The following KCND2 variants were observed in gnomAD, a reference collection of about 807,000 sequenced individuals.
KCND2 encodes A-type voltage-gated potassium channel KCND2.
In KCND2, 16 loss-of-function variants were observed where a neutral mutation model predicts 54.4. The ratio of observed to expected loss-of-function variants is 0.29; its 90% CI spans 0.20 to 0.45. KCND2 has a LOEUF of 0.45. KCND2 is among the 20% of genes least tolerant of loss of function. KCND2 has a pLI of 1.00. For synonymous variants in KCND2, 317 were observed against 310.7 expected (o/e 1.02, Z -0.21); for missense variants, 486 against 824.2 (o/e 0.59, Z 5.02).
chr7:120,403,806 A>G (rs1255347699), intron 1 of KCND2, among the ~76,000 whole-genome samples: 1 of 152,088 alleles, frequency 6.6e-6, no homozygotes, highest in African/African-American at 2.4e-5. Context: ...TTTTTTCCAG[A>G]TATAAACAAT....
At chr7:120,717,545 C>A (rs1006247147) in intron 1 of KCND2, among the ~76,000 whole-genome samples, 3 of 152,064 alleles carry the variant, frequency 2.0e-5, no homozygotes, top group African/African-American at 7.2e-5. Flanking sequence ...AAAGAAAAGA[C>A]TTCTTAGGCA....
At chr7:120,443,418 G>A (rs73435810) in intron 1 of KCND2, among the ~76,000 whole-genome samples, 3,427 of 150,404 alleles carry the variant, frequency 0.023, 140 homozygotes, top group African/African-American at 0.079. Context: ...TAAAAATATG[G>A]GTAAGACATT....
At position 120,503,380 on chromosome 7, in the gene KCND2, T is replaced by TAGTGTGAGAGAG. The variant is rs1802964915; in HGVS notation, c.1115+227635_1115+227636insTGTGAGAGAGAG. 2.5e-5 allele frequency among the ~76,000 whole-genome samples: 3 copies of TAGTGTGAGAGAG among 120,380 alleles called. No individual in the cohort carries two copies. In the Admixed American group the frequency reaches 2.7e-4, roughly 11 times the overall value. The allele number at this position is 120,380 out of a possible 152,430, so 79.0% of individuals were successfully genotyped here. On this transcript the variant is annotated intron_variant, in intron 1 of 5. Transcript: ENST00000331113. ...AAATTTGAGATTACAAATTAGTCTC[T>TAGTGTGAGAGAG]AGAGTGAGAGAGAGAGAGAGAGAGA...
chr7:120,345,640 C>T (rs1020113285), intron 1 of KCND2, among the ~76,000 whole-genome samples: 4 of 152,140 alleles, frequency 2.6e-5, no homozygotes, highest in Non-Finnish European at 5.9e-5. Flanking sequence ...GCTTATTTCA[C>T]TTAGTATAAA....
At chr7:120,338,125 C>CATAATT (rs1323140606) in intron 1 of KCND2, among the ~76,000 whole-genome samples, 1 of 152,056 alleles carries the variant, frequency 6.6e-6, no homozygotes, top group Non-Finnish European at 1.5e-5. Context: ...CATTAGGCAT[C>CATAATT]ATAATTATGA....
intron 1 of KCND2, among the ~76,000 whole-genome samples, chr7:120,435,269 G>T (rs1385078275): frequency 2.2e-5 from 3 of 139,188 alleles, no homozygotes; most frequent in African/African-American, 6.0e-5. Context: ...ACCATGCCTG[G>T]CTTTTTTTTT....
chr7:120,336,752 A>G (rs1800157577), intron 1 of KCND2, among the ~76,000 whole-genome samples: 1 of 152,172 alleles, frequency 6.6e-6, no homozygotes, highest in Non-Finnish European at 1.5e-5. Flanking sequence ...TACAGACATA[A>G]GGGTGCATAC....
At chr7:120,656,003 T>C (rs1791797546) in intron 1 of KCND2, among the ~76,000 whole-genome samples, 1 of 152,182 alleles carries the variant, frequency 6.6e-6, no homozygotes, top group African/African-American at 2.4e-5. Context: ...AAATTATATT[T>C]AGTTCATTCT....
chr7:120,388,639 C>A (rs1257943146), intron 1 of KCND2, among the ~76,000 whole-genome samples: 1 of 151,892 alleles, frequency 6.6e-6, no homozygotes, highest in Non-Finnish European at 1.5e-5. Flanking sequence ...CAGACTCACA[C>A]CTCAATGAGG....
intron 5 of KCND2, 140 bp from the exon 6 acceptor site, chr7:120,747,541 G>A (rs1793022036): frequency 1.7e-5 from 11 of 632,144 alleles, no homozygotes; most frequent in Admixed American, 1.0e-4. Flanking sequence ...TTAAGATTTG[G>A]TGTTTCATAT....
intron 1 of KCND2, among the ~76,000 whole-genome samples, chr7:120,673,922 T>C (rs976680885): frequency 1.9e-4 from 29 of 151,124 alleles, no homozygotes; most frequent in African/African-American, 6.6e-4. Flanking sequence ...TTTTTTTTTT[T>C]CTACAGGAGC....
At chr7:120,295,810 C>T (rs188329631) in intron 1 of KCND2, among the ~76,000 whole-genome samples, 11 of 152,054 alleles carry the variant, frequency 7.2e-5, no homozygotes, top group African/African-American at 2.4e-4. Flanking sequence ...AATGCAAACT[C>T]GAGGTGCAAG....
chr7:120,568,899 TA>T (rs113415171), intron 1 of KCND2, among the ~76,000 whole-genome samples: 6 of 151,900 alleles, frequency 3.9e-5, no homozygotes, highest in Non-Finnish European at 5.9e-5. Context: ...ATCTTTTTTT[TA>T]ATTTTGTTTC....
intron 1 of KCND2, among the ~76,000 whole-genome samples, chr7:120,581,076 CT>C (rs1178224761): frequency 6.6e-6 from 1 of 152,206 alleles, no homozygotes; most frequent in Non-Finnish European, 1.5e-5. Context: ...GAAACTACAA[CT>C]TCTGAGAACT....
intron 1 of KCND2, among the ~76,000 whole-genome samples, chr7:120,674,961 G>C (rs1253414389): frequency 6.6e-6 from 1 of 151,394 alleles, no homozygotes; most frequent in Admixed American, 6.6e-5. Flanking sequence ...ATTTTCAGTA[G>C]TTTTATAATT....
At chr7:120,594,658 G>A (rs1227300844) in intron 1 of KCND2, among the ~76,000 whole-genome samples, 1 of 152,166 alleles carries the variant, frequency 6.6e-6, no homozygotes, top group East Asian at 1.9e-4. Flanking sequence ...TTTTTTGCCT[G>A]TGGTAGAACA....
chr7:120,678,920 A>G (rs923429924), intron 1 of KCND2, among the ~76,000 whole-genome samples: 1 of 151,460 alleles, frequency 6.6e-6, no homozygotes, highest in Admixed American at 6.6e-5. Context: ...TTACTGTTAT[A>G]CTTGTAAGGT....
chr7:120,455,448 G>C (rs1449143484), intron 1 of KCND2, among the ~76,000 whole-genome samples: 1 of 152,048 alleles, frequency 6.6e-6, no homozygotes, highest in Non-Finnish European at 1.5e-5. Context: ...ACTTAAAAGA[G>C]AATAATCATT....
chr7:120,356,236 G>A (rs144925883), intron 1 of KCND2, among the ~76,000 whole-genome samples: 2 of 151,476 alleles, frequency 1.3e-5, no homozygotes, highest in East Asian at 3.9e-4. Flanking sequence ...TACTCCCTGA[G>A]CATAAGGAAT....
Sources: allele counts gnomAD v4.1 joint callset (sites outside exome capture counted in the v4.1 genomes callset), GRCh38; gene constraint gnomAD v4.1.1; transcripts MANE v1.5; gene names NCBI Gene and HGNC (gene_info 2026-07-23, HGNC 2026-07-21).